RPS6KA2: variants seen among roughly 807,000 people sequenced by gnomAD.
RPS6KA2 encodes the protein ribosomal protein S6 kinase A2, also known as ribosomal protein S6 kinase alpha-2.
RPS6KA2 carries 42 observed loss-of-function variants against 91.8 expected under a neutral mutation model. That is an observed-to-expected ratio of 0.46 (90% CI 0.36 to 0.59). The LOEUF is 0.59. RPS6KA2 is among the 20% of genes least tolerant of loss of function. RPS6KA2 has a pLI of 0.00. For missense variants in RPS6KA2, 798 were observed against 978.5 expected, an observed-to-expected ratio of 0.82 and a Z score of 2.46; for synonymous variants, 414 against 393.6, an observed-to-expected ratio of 1.05 and a Z score of -0.61.
Position 166,627,155 on chromosome 6 carries a change from G to A in RPS6KA2, c.-136C>T. 6.3e-6 allele frequency: 7 copies of A among 1,109,332 alleles called. No individual in the cohort carries two copies. The highest frequency in any genetic ancestry group is 7.7e-6 in the Non-Finnish European group (7 of 910,534). 68.7% of individuals were successfully genotyped at this position (1,109,332 alleles called of 1,614,324 possible). On this transcript the variant is annotated 5_prime_UTR_variant, in exon 1 of 21. Transcript: ENST00000265678. ...ACGGCGGCCATGGGCGCGGGGCGTG[G>A]GGCGCGAGCTGCGGTCACAAAGGGC...
At chr6:166,431,765 C>T (rs771836128) in intron 15 of RPS6KA2, among the ~76,000 whole-genome samples, 4 of 151,932 alleles carry the variant, frequency 2.6e-5, no homozygotes, top group East Asian at 1.9e-4. Flanking sequence ...TACAGGTGTG[C>T]GCCACCACAC....
rs191597301 is a variant in RPS6KA2, at chr6:166,785,056, C to T, written c.123+73144G>A. 3.2e-4 allele frequency among the ~76,000 whole-genome samples: 48 copies of T among 152,320 alleles called. 2 individuals carry two copies. The East Asian group carries it at 8.5e-3, about 27-fold the overall frequency. ...TTGGTCACTCTCTGTATACACGTGT[C>T]TGTATATGTGTAAATCTTTCTGTGT... On this transcript the variant is annotated intron_variant, in intron 2 of 21. Coordinates refer to the RPS6KA2 transcript ENST00000503859.
intron 10 of RPS6KA2, among the ~76,000 whole-genome samples, chr6:166,476,514 A>C (rs903617086): frequency 6.6e-6 from 1 of 151,994 alleles, no homozygotes; most frequent in African/African-American, 2.4e-5. Context: ...TGATTTCCTA[A>C]TTTCTAGCTT....
At chr6:166,617,675 GT>G (rs1370632900) in intron 1 of RPS6KA2, among the ~76,000 whole-genome samples, 2 of 152,182 alleles carry the variant, frequency 1.3e-5, no homozygotes, top group Non-Finnish European at 2.9e-5. Flanking sequence ...ATTTAGGCAC[GT>G]AGTGAATAGT....
chr6:166,713,174 A>G (rs1428291300), intron 2 of RPS6KA2, among the ~76,000 whole-genome samples: 1 of 152,150 alleles, frequency 6.6e-6, no homozygotes, highest in Non-Finnish European at 1.5e-5. Context: ...CCCCCGGAAC[A>G]CAACTCACTT....
intron 2 of RPS6KA2, among the ~76,000 whole-genome samples, chr6:166,728,744 G>A (rs532385955): frequency 6.6e-6 from 1 of 152,252 alleles, no homozygotes; most frequent in African/African-American, 2.4e-5. Flanking sequence ...TGGTCTCGAC[G>A]CATACAGATC....
At chr6:166,827,389 T>C (rs767183337) in intron 2 of RPS6KA2, among the ~76,000 whole-genome samples, 4 of 152,080 alleles carry the variant, frequency 2.6e-5, no homozygotes, top group Non-Finnish European at 4.4e-5. Flanking sequence ...CGTTCAGCCT[T>C]GTTATTGATC....
At chr6:166,794,574 T>C (rs1260198610) in intron 2 of RPS6KA2, among the ~76,000 whole-genome samples, 4 of 149,990 alleles carry the variant, frequency 2.7e-5, no homozygotes, top group African/African-American at 7.4e-5. Context: ...ATTGTGGCAC[T>C]ATTCACAATA....
chr6:166,500,534 G>C lies in RPS6KA2; in HGVS notation c.604+353C>G, dbSNP rs1406746072. The stretch of plus-strand genomic sequence containing the variant: ...CAGGTTGGCACTGGGCATCTGCAAG[G>C]CCCACATTGCAGGCTACACTCCAGC... On this transcript the variant is annotated intron_variant, in intron 7 of 20. Coordinates refer to ENST00000265678, the MANE Select transcript of RPS6KA2 (RefSeq NM_021135.6). The surrounding 1 kb of genome is among the most constrained non-coding windows in gnomAD (Gnocchi z 4.3). 1.3e-5 allele frequency among the ~76,000 whole-genome samples: 2 copies of C among 152,106 alleles called. No individual in the cohort carries two copies. The highest frequency in any genetic ancestry group is 4.8e-5 in the African/African-American group (2 of 41,398).
At chr6:166,431,806 G>T (rs1414173012) in intron 15 of RPS6KA2, among the ~76,000 whole-genome samples, 2 of 151,834 alleles carry the variant, frequency 1.3e-5, no homozygotes, top group Non-Finnish European at 2.9e-5. Flanking sequence ...AGTAGAGATG[G>T]GGTTTCACCA....
At chr6:166,511,744 T>C (rs1311816701) in intron 3 of RPS6KA2, among the ~76,000 whole-genome samples, 1 of 152,230 alleles carries the variant, frequency 6.6e-6, no homozygotes, top group Non-Finnish European at 1.5e-5. Context: ...GCTAAAGTTT[T>C]ATTTAAGAAA....
At chr6:166,719,811 A>C (rs1369990044) in intron 2 of RPS6KA2, among the ~76,000 whole-genome samples, 1 of 152,248 alleles carries the variant, frequency 6.6e-6, no homozygotes, top group Non-Finnish European at 1.5e-5. Context: ...ATTGATCCCA[A>C]CAAGCATCAT....
At chr6:166,822,392 G>A (rs917032226) in intron 2 of RPS6KA2, among the ~76,000 whole-genome samples, 2 of 152,194 alleles carry the variant, frequency 1.3e-5, no homozygotes, top group East Asian at 1.9e-4. Context: ...CTTTGCTTGC[G>A]CAGAGAGACA....
At chr6:166,846,410 A>G (rs1459060570) in intron 2 of RPS6KA2, among the ~76,000 whole-genome samples, 1 of 152,142 alleles carries the variant, frequency 6.6e-6, no homozygotes, top group African/African-American at 2.4e-5. Flanking sequence ...ATAAAAAAAA[A>G]GAAAACTATA....
chr6:166,480,515 A>ATATATATATATATATT (rs1438315609), intron 10 of RPS6KA2, among the ~76,000 whole-genome samples: 1 of 84,366 alleles, frequency 1.2e-5, no homozygotes, highest in Non-Finnish European at 2.2e-5. Context: ...ATATATATAT[A>ATATATATATATATATT]ATATATTTTT....
At chr6:166,714,660 G>A (rs540470686) in intron 2 of RPS6KA2, among the ~76,000 whole-genome samples, 31 of 152,272 alleles carry the variant, frequency 2.0e-4, no homozygotes, top group African/African-American at 7.0e-4. Context: ...AGGAGCACCC[G>A]AACCGCCTGA....
intron 1 of RPS6KA2, among the ~76,000 whole-genome samples, chr6:166,543,506 T>C (rs1378576473): frequency 6.6e-6 from 1 of 152,174 alleles, no homozygotes; most frequent in Non-Finnish European, 1.5e-5. Context: ...CCATCCTCCA[T>C]AGCACTGGGC....
At chr6:166,413,601 A>T (rs765345375) in intron 20 of RPS6KA2, among the ~76,000 whole-genome samples, 193 bp downstream of exon 20, 18 of 152,358 alleles carry the variant, frequency 1.2e-4, no homozygotes, top group Middle Eastern at 6.8e-3. Flanking sequence ...CCACCTACTC[A>T]GGTAGGAGCC....
At chr6:166,706,896 G>A (rs1290251526) in intron 2 of RPS6KA2, among the ~76,000 whole-genome samples, 12 of 152,214 alleles carry the variant, frequency 7.9e-5, no homozygotes, top group African/African-American at 1.2e-4. Context: ...TCCTTGAATA[G>A]TAGTAACAAA....
Sources: gnomAD v4.1 joint callset for allele counts (sites outside exome capture counted in the v4.1 genomes callset) on GRCh38, gnomAD v4.1.1 for gene constraint, Gnocchi (gnomAD v3.1) non-coding constraint, MANE v1.5 for transcripts, NCBI Gene and HGNC (gene_info 2026-07-23, HGNC 2026-07-21) for gene names.